NAV1: variants seen among roughly 807,000 people sequenced by gnomAD.
The protein encoded by NAV1 is neuron navigator 1, also known as pore membrane and/or filament interacting like protein 3.
Under a neutral mutation model 175.2 loss-of-function variants are expected in NAV1, and 18 were observed. That is an observed-to-expected ratio of 0.10 (90% CI 0.07 to 0.15). NAV1 has a LOEUF of 0.15. Among genes scored for constraint, NAV1 ranks in the 10% least tolerant of loss-of-function variants. NAV1 has a pLI of 1.00. For missense variants in NAV1, 1,731 were observed against 2,436.6 expected (o/e 0.71, Z 6.10); for synonymous variants, 897 against 978.7 (o/e 0.92, Z 1.56).
At chr1:201,628,676 G>C (rs1668406182) in intron 1 of NAV1, among the ~76,000 whole-genome samples, 1 of 152,122 alleles carries the variant, frequency 6.6e-6, no homozygotes, top group Admixed American at 6.5e-5. Context: ...GGATGGGTGG[G>C]CGGGCCAGCT....
chr1:201,561,532 A>G (rs1666199952), intron 1 of NAV1, among the ~76,000 whole-genome samples: 1 of 152,316 alleles, frequency 6.6e-6, no homozygotes, highest in South Asian at 2.1e-4. Context: ...TTAAATCTGT[A>G]TAGTAGCTGG....
chr1:201,809,948 C>G (rs1324887022), exon 23 of NAV1: 7 of 1,611,908 alleles, frequency 4.3e-6, no homozygotes, highest in South Asian at 1.1e-5. Flanking sequence ...TCTGTCAGGA[C>G]TATATTTCTA....
At chr1:201,561,647 C>T (rs1444722215) in intron 1 of NAV1, among the ~76,000 whole-genome samples, 13 of 152,236 alleles carry the variant, frequency 8.5e-5, no homozygotes, top group Admixed American at 8.5e-4. Context: ...AAGCTCCCCA[C>T]AGATACAGAA....
At chr1:201,639,802 C>T (rs11590237) in intron 2 of NAV1, among the ~76,000 whole-genome samples, 7 of 152,154 alleles carry the variant, frequency 4.6e-5, no homozygotes, top group East Asian at 1.9e-4. Context: ...TGGGGGGCCC[C>T]GGCCTCCAGC....
exon 30 of NAV1, chr1:201,823,250 C>T (rs1445057894): frequency 1.3e-5 from 2 of 152,626 alleles, no homozygotes; most frequent in Non-Finnish European, 2.9e-5. Context: ...CCCTTAATTT[C>T]TGGATGAAGA....
intron 1 of NAV1, among the ~76,000 whole-genome samples, chr1:201,547,934 C>T (rs1490751842): frequency 2.6e-5 from 4 of 152,126 alleles, no homozygotes; most frequent in African/African-American, 7.2e-5. Flanking sequence ...GCTGGGATTA[C>T]GGGCACCTGC....
At chr1:201,749,896 C>T (rs1366531987) in intron 3 of NAV1, among the ~76,000 whole-genome samples, 1 of 152,082 alleles carries the variant, frequency 6.6e-6, no homozygotes, top group African/African-American at 2.4e-5. Context: ...GAGCAATTCT[C>T]TCTCCAAAAT....
intron 1 of NAV1, among the ~76,000 whole-genome samples, chr1:201,695,655 G>A (rs994750809): frequency 1.4e-4 from 21 of 152,228 alleles, no homozygotes; most frequent in Non-Finnish European, 5.9e-5. Flanking sequence ...CATGGTGCCT[G>A]GGCCACCGTG....
At chr1:201,575,538 G>A (rs151102601) in intron 1 of NAV1, among the ~76,000 whole-genome samples, 3 of 152,288 alleles carry the variant, frequency 2.0e-5, no homozygotes, top group Admixed American at 6.5e-5. Context: ...AGGGAGGCGT[G>A]TCCAATGGGA....
rs1678112097 is a variant in NAV1 at position 201,803,994 on chromosome 1, C to A, written c.3639+280C>A. ...AGATGTATTTGGCAACAGAAGGATG[C>A]TGAGGATATACTCAGAAGGAAACAT... On this transcript the variant is annotated intron_variant, in intron 16 of 29. Transcript: ENST00000367296. 5.8e-6 allele frequency: 3 copies of A among 520,424 alleles called. No individual in the cohort carries two copies. The Admixed American group carries it at 6.8e-5, about 12-fold the overall frequency. The allele number at this position is 520,424 out of a possible 1,614,324, so 32.2% of individuals were successfully genotyped here. A position where few individuals can be genotyped will look rare whatever the true frequency, so the allele number is the denominator to read the frequency against.
intron 3 of NAV1, among the ~76,000 whole-genome samples, chr1:201,770,906 ATACAGCAGCAG>A (rs1296405681): frequency 6.6e-6 from 1 of 152,204 alleles, no homozygotes; most frequent in Non-Finnish European, 1.5e-5. Context: ...TTCACTGATT[ATACAGCAGCAG>A]TACAGTACAG....
At chr1:201,631,235 C>T (rs1432408082) in intron 2 of NAV1, among the ~76,000 whole-genome samples, 1 of 152,186 alleles carries the variant, frequency 6.6e-6, no homozygotes, top group Admixed American at 6.5e-5. Flanking sequence ...GAGGATACGC[C>T]GAGCTCTTTG....
upstream of NAV1, among the ~76,000 whole-genome samples, chr1:201,645,350 A>G (rs908824669): frequency 2.2e-5 from 3 of 139,122 alleles, no homozygotes; most frequent in Non-Finnish European, 4.6e-5. Context: ...GAATTGAACA[A>G]TGAGAACACA....
chr1:201,786,815 C>T (rs962665255), intron 9 of NAV1, among the ~76,000 whole-genome samples: 1 of 152,196 alleles, frequency 6.6e-6, no homozygotes, highest in African/African-American at 2.4e-5. Flanking sequence ...ATCAGAGAGC[C>T]TGAATGGTGG....
At chr1:201,742,007 G>A (rs1002571052) in intron 3 of NAV1, among the ~76,000 whole-genome samples, 5 of 152,206 alleles carry the variant, frequency 3.3e-5, no homozygotes, top group East Asian at 1.9e-4. Flanking sequence ...GTGGAGCTGG[G>A]TTAGGCCTGT....
chr1:201,590,847 G>A lies in NAV1; in HGVS notation c.-33+2198G>A, dbSNP rs912340888. On this transcript the variant is annotated intron_variant, in intron 2 of 33. Coordinates refer to the NAV1 transcript ENST00000685211. Reference sequence around the variant, plus strand: ...GGGGTGGGATAGGTGTTAGAAGGGCGGACTGTACCTCTGGTCCTGTTAACC... The same window carrying A: ...GGGGTGGGATAGGTGTTAGAAGGGCAGACTGTACCTCTGGTCCTGTTAACC... Among the ~76,000 whole-genome samples, 5 of 152,306 alleles carry A rather than the reference G, an allele frequency of 3.3e-5. No homozygotes were observed. In the East Asian group the frequency reaches 5.8e-4, roughly 18 times the overall value.
rs181910295 is a variant in NAV1, at chr1:201,616,819, C to A, written c.-32-6034C>A. On this transcript the variant is annotated intron_variant, in intron 2 of 33. Coordinates refer to the NAV1 transcript ENST00000685211. ...TCTCTCTTGATGCATGCACTGCCTG[C>A]ACATGTTACTTGTCACGAGTGTGCA... 1.3e-4 allele frequency among the ~76,000 whole-genome samples: 20 copies of A among 152,280 alleles called. No individual in the cohort carries two copies. The East Asian group carries it at 3.5e-3, about 26-fold the overall frequency.
At chr1:201,651,263 G>C (rs1256560198) in intron 1 of NAV1, among the ~76,000 whole-genome samples, 2 of 151,902 alleles carry the variant, frequency 1.3e-5, no homozygotes, top group Non-Finnish European at 2.9e-5. Flanking sequence ...TACTTGTTGG[G>C]GATAACTTAG....
chr1:201,741,327 A>C (rs1673408761), intron 3 of NAV1, among the ~76,000 whole-genome samples: 1 of 152,164 alleles, frequency 6.6e-6, no homozygotes, highest in South Asian at 2.1e-4. Context: ...GCAGCCCTGA[A>C]GCCCCCCTGG....
Sources: gnomAD v4.1 joint callset for allele counts (sites outside exome capture counted in the v4.1 genomes callset) on GRCh38, gnomAD v4.1.1 for gene constraint, MANE v1.5 for transcripts, NCBI Gene and HGNC (gene_info 2026-07-23, HGNC 2026-07-21) for gene names.